The following TRHDE variants were observed in gnomAD, a reference collection of about 807,000 sequenced individuals.
TRHDE encodes thyrotropin-releasing hormone-degrading ectoenzyme.
In TRHDE, 72 loss-of-function variants were observed where a neutral mutation model predicts 125.7. That is an observed-to-expected ratio of 0.57 (90% CI 0.47 to 0.70). The LOEUF is 0.70. Ranked by LOEUF, TRHDE falls within the 30% of genes least tolerant of loss-of-function variation. The probability of loss-of-function intolerance (pLI) is 0.00; values close to 1 mark genes in which losing one functional copy is unlikely to be tolerated. For missense variants in TRHDE, 1,110 were observed against 1,327.1 expected, an observed-to-expected ratio of 0.84 and a Z score of 2.54; for synonymous variants, 509 against 509.1, an observed-to-expected ratio of 1.00 and a Z score of 0.00.
intron 2 of TRHDE, among the ~76,000 whole-genome samples, chr12:72,331,697 T>C (rs961620914): frequency 6.6e-6 from 1 of 152,168 alleles, no homozygotes; most frequent in African/African-American, 2.4e-5. Context: ...CTACGAGATG[T>C]GTGTGCCTTT....
chr12:72,405,638 A>G (rs556270228), intron 3 of TRHDE, among the ~76,000 whole-genome samples: 5 of 152,346 alleles, frequency 3.3e-5, no homozygotes, highest in Middle Eastern at 3.4e-3. Flanking sequence ...TTAAAAGCAA[A>G]CAGAAAACCA....
intron 12 of TRHDE, among the ~76,000 whole-genome samples, chr12:72,613,271 T>C (rs1655114343): frequency 6.6e-6 from 1 of 152,352 alleles, no homozygotes; most frequent in South Asian, 2.1e-4. Context: ...TATTTTGGTA[T>C]AGACTGGCTA....
At chr12:72,450,274 A>G (rs923012269) in intron 3 of TRHDE, among the ~76,000 whole-genome samples, 1 of 152,060 alleles carries the variant, frequency 6.6e-6, no homozygotes, top group African/African-American at 2.4e-5. Context: ...CCTCCCATCT[A>G]AAGCAGTGAT....
Position 72,407,308 on chromosome 12 carries a change from G to A in TRHDE, c.1315+29187G>A, listed in dbSNP as rs537208269. Reference sequence around the variant, plus strand: ...GAACTGAGGTCTGACTCCTGTCTGAGAAATCTGGAGGTCATAAAAGACTGA... The same window carrying A: ...GAACTGAGGTCTGACTCCTGTCTGAAAAATCTGGAGGTCATAAAAGACTGA... On this transcript the variant is annotated intron_variant, in intron 3 of 18. Coordinates refer to ENST00000261180, the MANE Select transcript of TRHDE (RefSeq NM_013381.3). Among the ~76,000 whole-genome samples the A allele has an allele frequency of 2.0e-5, 3 of 152,330 alleles. No homozygotes were observed. In the South Asian group the frequency reaches 6.2e-4, roughly 32 times the overall value.
intron 15 of TRHDE, among the ~76,000 whole-genome samples, chr12:72,640,786 A>T (rs537562243): frequency 3.3e-5 from 5 of 152,264 alleles, no homozygotes; most frequent in African/African-American, 9.6e-5. Flanking sequence ...CCTCCACCAG[A>T]GGTTTTAATT....
At chr12:72,205,266 G>A (rs1877640596) in intron 2 of TRHDE, among the ~76,000 whole-genome samples, 1 of 151,004 alleles carries the variant, frequency 6.6e-6, no homozygotes, top group Admixed American at 6.6e-5. Flanking sequence ...CGGCTCTGAA[G>A]CTATAATCCT....
chr12:72,192,892 A>G (rs536034224), intron 2 of TRHDE, among the ~76,000 whole-genome samples: 102 of 152,230 alleles, frequency 6.7e-4, no homozygotes, highest in African/African-American at 2.2e-3. Context: ...CCAAAAATCT[A>G]TTAGCTGTAG....
At chr12:72,582,164 T>G (rs1871265676) in intron 12 of TRHDE, 1 of 584,046 alleles carries the variant, frequency 1.7e-6, no homozygotes, top group Non-Finnish European at 2.1e-6. Flanking sequence ...CAGTAGTGCA[T>G]AATATATGTT....
intron 3 of TRHDE, among the ~76,000 whole-genome samples, chr12:72,453,963 A>G (rs1408227406): frequency 1.3e-5 from 2 of 152,212 alleles, no homozygotes; most frequent in Non-Finnish European, 2.9e-5. Flanking sequence ...AAAGCTTCCA[A>G]GAATTTATAC....
chr12:72,332,284 A>G (rs12819989), intron 2 of TRHDE, among the ~76,000 whole-genome samples: 125,479 of 152,120 alleles, frequency 0.82, 51,902 homozygotes, highest in East Asian at 0.92. Flanking sequence ...GACTACAGGC[A>G]CCCGCCACCA....
chr12:72,621,293 G>A, intron 14 of TRHDE, 88 bp downstream of exon 14: 1 of 849,142 alleles, frequency 1.2e-6, no homozygotes, highest in Non-Finnish European at 1.9e-6. Context: ...AGCTGCATGA[G>A]ACAATCTTCC....
chr12:72,543,731 A>G (rs1482364918), intron 7 of TRHDE, among the ~76,000 whole-genome samples: 1 of 150,808 alleles, frequency 6.6e-6, no homozygotes, highest in Non-Finnish European at 1.5e-5. Context: ...ATCTGTGTGT[A>G]TGGATTTGCT....
intron 2 of TRHDE, among the ~76,000 whole-genome samples, chr12:72,108,239 T>C (rs1875234116): frequency 6.6e-6 from 1 of 152,118 alleles, no homozygotes; most frequent in African/African-American, 2.4e-5. Context: ...TGCAAATAGA[T>C]GGATTTGTAA....
chr12:72,330,133 G>C lies in TRHDE; in HGVS notation c.1188+43179G>C, dbSNP rs551266651. Among the ~76,000 whole-genome samples, 4 of 152,172 alleles carry C rather than the reference G, an allele frequency of 2.6e-5. No homozygotes were observed. The East Asian group carries it at 7.7e-4, about 29-fold the overall frequency. ...TAACTTAAAGATAAATGACTTGCTT[G>C]CAAGTGTAGTGGAAAGGAAATAAAA... is the stretch of plus-strand genomic sequence containing the variant. On this transcript the variant is annotated intron_variant, in intron 2 of 18. Coordinates refer to ENST00000261180, the MANE Select transcript of TRHDE (RefSeq NM_013381.3).
chr12:72,104,847 A>G (rs1417448043), intron 1 of TRHDE, among the ~76,000 whole-genome samples: 2 of 152,232 alleles, frequency 1.3e-5, no homozygotes, highest in Non-Finnish European at 2.9e-5. Context: ...AACTAGCTTC[A>G]GGGACATTTT....
chr12:72,229,537 T>A (rs911859060), intron 2 of TRHDE, among the ~76,000 whole-genome samples: 3 of 152,100 alleles, frequency 2.0e-5, no homozygotes, highest in Non-Finnish European at 4.4e-5. Flanking sequence ...AAAGCCTGGG[T>A]GATAAGCAGC....
intron 5 of TRHDE, among the ~76,000 whole-genome samples, chr12:72,487,825 A>G (rs904806455): frequency 1.4e-4 from 22 of 152,150 alleles, no homozygotes; most frequent in Non-Finnish European, 2.9e-5. Context: ...AGCTACAAAA[A>G]GTTGTCCAGG....
intron 2 of TRHDE, among the ~76,000 whole-genome samples, chr12:72,260,944 A>G (rs577847789): frequency 6.6e-6 from 1 of 152,282 alleles, no homozygotes; most frequent in South Asian, 2.1e-4. Flanking sequence ...CAGTCTTTAG[A>G]TTTGTGAATT....
At chr12:72,317,473 A>G (rs931043886) in intron 2 of TRHDE, among the ~76,000 whole-genome samples, 1 of 152,178 alleles carries the variant, frequency 6.6e-6, no homozygotes, top group Admixed American at 6.6e-5. Flanking sequence ...AGGCACTGGT[A>G]GGTTCGGTGT....
Sources: gnomAD v4.1 joint callset for allele counts (sites outside exome capture counted in the v4.1 genomes callset) on GRCh38, gnomAD v4.1.1 for gene constraint, MANE v1.5 for transcripts, NCBI Gene and HGNC (gene_info 2026-07-23, HGNC 2026-07-21) for gene names.